PHF24: variants seen among roughly 807,000 people sequenced by gnomAD.
PHF24 encodes the protein Galpha inhibitory interacting protein.
A neutral mutation model predicts 42.6 loss-of-function variants in PHF24; 25 were observed. The observed-to-expected ratio is 0.59, with a 90% confidence interval of 0.43 to 0.82. The LOEUF (loss-of-function observed/expected upper bound fraction) is 0.82, where lower values mean the gene tolerates loss of function less well. Among genes scored for constraint, PHF24 ranks in the 40% least tolerant of loss-of-function variants. The pLI, the probability that PHF24 is intolerant of heterozygous loss-of-function variation, is 0.00. For synonymous variants in PHF24, 185 were observed against 204.8 expected (o/e 0.90, Z 0.83); for missense variants, 470 against 538.1 (o/e 0.87, Z 1.25).
chr9:34,978,066 T>C (rs2132939640), exon 8 of PHF24: 1 of 1,614,240 alleles, frequency 6.2e-7, no homozygotes, highest in Non-Finnish European at 8.5e-7. Context: ...ACATCCTGGC[T>C]GCTCGCCCCA....
At chr9:34,947,299 A>G in the PHF24 span, among the ~76,000 whole-genome samples, 1 of 152,258 alleles carries the variant, frequency 6.6e-6, no homozygotes, top group Non-Finnish European at 1.5e-5. Context: ...CCATAAAATT[A>G]TAATGAAGCT....
At chr9:34,787,590 A>T in the PHF24 span, among the ~76,000 whole-genome samples, 2 of 152,234 alleles carry the variant, frequency 1.3e-5, no homozygotes, top group African/African-American at 4.8e-5. Flanking sequence ...TTATGAAGGT[A>T]AGGGCAGCTA....
the PHF24 span, among the ~76,000 whole-genome samples, chr9:34,819,273 A>G: frequency 2.6e-5 from 4 of 151,876 alleles, no homozygotes; most frequent in African/African-American, 9.7e-5. Flanking sequence ...TCTGTTTTCT[A>G]TAGTATTGAT....
the PHF24 span, among the ~76,000 whole-genome samples, chr9:34,760,711 G>C: frequency 6.6e-6 from 1 of 152,226 alleles, no homozygotes; most frequent in African/African-American, 2.4e-5. Flanking sequence ...GGGGTCCTGG[G>C]CCAAACGCGG....
At chr9:34,911,677 G>C in the PHF24 span, among the ~76,000 whole-genome samples, 1 of 149,356 alleles carries the variant, frequency 6.7e-6, no homozygotes, top group Non-Finnish European at 1.5e-5. Flanking sequence ...ATTCAAGCCT[G>C]CTATGTGAAC....
At chr9:34,889,015 T>A in the PHF24 span, 2 of 398,296 alleles carry the variant, frequency 5.0e-6, no homozygotes, top group Non-Finnish European at 4.4e-6. Context: ...CTTTACTCTC[T>A]CTGTCTATCA....
the PHF24 span, among the ~76,000 whole-genome samples, chr9:34,826,377 C>A: frequency 6.6e-6 from 1 of 152,216 alleles, no homozygotes; most frequent in Non-Finnish European, 1.5e-5. Context: ...CCATCTATGG[C>A]AGGCCTGGCC....
the PHF24 span, among the ~76,000 whole-genome samples, chr9:34,729,002 A>G: frequency 7.2e-5 from 11 of 152,184 alleles, no homozygotes; most frequent in African/African-American, 2.7e-4. Context: ...CCAACCGGAA[A>G]AATCCCCCAT....
chr9:34,785,102 T>C, the PHF24 span, among the ~76,000 whole-genome samples: 1 of 152,226 alleles, frequency 6.6e-6, no homozygotes, highest in Non-Finnish European at 1.5e-5. Flanking sequence ...TTCTTACAGT[T>C]CTGAAGGCTG....
At chr9:34,908,773 T>C in the PHF24 span, among the ~76,000 whole-genome samples, 1 of 152,134 alleles carries the variant, frequency 6.6e-6, no homozygotes, top group Non-Finnish European at 1.5e-5. Context: ...CCACTTCAAA[T>C]CCTTATAAGG....
chr9:34,906,825 C>A, the PHF24 span, among the ~76,000 whole-genome samples: 1 of 152,026 alleles, frequency 6.6e-6, no homozygotes, highest in African/African-American at 2.4e-5. Context: ...CATAGGGATT[C>A]AAATAACCAG....
chr9:34,745,579 A>T, the PHF24 span, among the ~76,000 whole-genome samples: 1 of 151,806 alleles, frequency 6.6e-6, no homozygotes, highest in Non-Finnish European at 1.5e-5. Flanking sequence ...CCATGGAAAA[A>T]TGTGTCCATG....
the PHF24 span, among the ~76,000 whole-genome samples, chr9:34,839,676 T>C: frequency 6.6e-6 from 1 of 152,208 alleles, no homozygotes; most frequent in African/African-American, 2.4e-5. Flanking sequence ...TTCAGTATGC[T>C]CATCCCTAAG....
At chr9:34,764,736 G>T in the PHF24 span, among the ~76,000 whole-genome samples, 28,810 of 151,716 alleles carry the variant, frequency 0.19, 3,124 homozygotes, top group African/African-American at 0.29. Context: ...CTTGCCTTCT[G>T]CTAGCTTTTG....
the PHF24 span, among the ~76,000 whole-genome samples, chr9:34,737,318 C>A: frequency 4.6e-5 from 7 of 152,184 alleles, no homozygotes; most frequent in African/African-American, 1.7e-4. Flanking sequence ...CACCTGACTT[C>A]TTTCACTTAA....
the PHF24 span, among the ~76,000 whole-genome samples, chr9:34,800,280 G>A: frequency 6.6e-6 from 1 of 152,188 alleles, no homozygotes; most frequent in Middle Eastern, 3.4e-3. Context: ...CATTTATAAT[G>A]GTCAGAAAGA....
the PHF24 span, among the ~76,000 whole-genome samples, chr9:34,854,672 T>C: frequency 6.6e-6 from 1 of 152,238 alleles, no homozygotes; most frequent in African/African-American, 2.4e-5. Context: ...ATTTTGCATT[T>C]GCTGAGAAGT....
At chr9:34,949,943 C>T in the PHF24 span, among the ~76,000 whole-genome samples, 2 of 151,798 alleles carry the variant, frequency 1.3e-5, no homozygotes, top group East Asian at 1.9e-4. Context: ...TGCAGCAAAC[C>T]TTCATGGCAC....
chr9:34,970,075 A>T (rs1826919692), intron 1 of PHF24, among the ~76,000 whole-genome samples: 1 of 152,228 alleles, frequency 6.6e-6, no homozygotes, highest in South Asian at 2.1e-4. Context: ...TGCCTTGCAC[A>T]TAATACTGTT....
Sources: gnomAD v4.1 joint callset for allele counts (sites outside exome capture counted in the v4.1 genomes callset) on GRCh38, gnomAD v4.1.1 for gene constraint, MANE v1.5 for transcripts, NCBI Gene and HGNC (gene_info 2026-07-23, HGNC 2026-07-21) for gene names.